ERC2: variants seen among roughly 807,000 people sequenced by gnomAD.
ERC2 encodes ERC protein 2.
ERC2 carries 42 observed loss-of-function variants against 114.8 expected under a neutral mutation model. That is an observed-to-expected ratio of 0.37 (90% CI 0.29 to 0.47). ERC2 has a LOEUF of 0.47. ERC2 is among the 20% of genes least tolerant of loss of function. ERC2 has a pLI of 0.99. For missense variants in ERC2, 939 were observed against 1,150.7 expected, an observed-to-expected ratio of 0.82 and a Z score of 2.66; for synonymous variants, 454 against 425.5, an observed-to-expected ratio of 1.07 and a Z score of -0.82.
chr3:55,675,845 A>G (rs1387032647), intron 17 of ERC2, among the ~76,000 whole-genome samples: 1 of 144,756 alleles, frequency 6.9e-6, no homozygotes, highest in Non-Finnish European at 1.5e-5. Flanking sequence ...TGCCTCCAAC[A>G]TTAAATGATG....
At chr3:55,759,731 A>G (rs2067305169) in intron 14 of ERC2, among the ~76,000 whole-genome samples, 1 of 152,186 alleles carries the variant, frequency 6.6e-6, no homozygotes, top group African/African-American at 2.4e-5. Flanking sequence ...TTAATTTTAC[A>G]GCTGCACATT....
chr3:55,671,716 G>T (rs1477450330), intron 17 of ERC2, among the ~76,000 whole-genome samples: 1 of 152,168 alleles, frequency 6.6e-6, no homozygotes, highest in African/African-American at 2.4e-5. Context: ...TTTGGCATGC[G>T]GTTGTCCAGG....
chr3:56,118,195 G>C (rs1451060759), intron 6 of ERC2, among the ~76,000 whole-genome samples: 2 of 152,106 alleles, frequency 1.3e-5, no homozygotes, highest in Non-Finnish European at 2.9e-5. Context: ...TTATTTATAG[G>C]GACCATGCTG....
At position 56,147,740 on chromosome 3, in the gene ERC2, A is replaced by T. The variant is rs1264415029; in HGVS notation, c.1305+1237T>A. Among the ~76,000 whole-genome samples the T allele has an allele frequency of 3.3e-5, 5 of 152,356 alleles. No homozygotes were observed. In the South Asian group the frequency reaches 6.2e-4, roughly 19 times the overall value. The stretch of plus-strand genomic sequence containing the variant: ...AGCAAGTGGTAGAAAAAGAAAAAAG[A>T]AAACAAATTTTTTTAATTGGTGTAC... On this transcript the variant is annotated intron_variant, in intron 5 of 17. Transcript: ENST00000288221.
chr3:56,376,716 T>C (rs1053232200), intron 2 of ERC2, among the ~76,000 whole-genome samples: 6 of 150,740 alleles, frequency 4.0e-5, no homozygotes, highest in African/African-American at 1.5e-4. Context: ...TGAGCCAAGA[T>C]TGCACCACTG....
At chr3:55,791,450 TA>T (rs1280646274) in intron 14 of ERC2, among the ~76,000 whole-genome samples, 2 of 152,170 alleles carry the variant, frequency 1.3e-5, no homozygotes, top group African/African-American at 2.4e-5. Flanking sequence ...CTATATTAAA[TA>T]TGAAAATCTT....
chr3:56,305,187 T>C (rs920816533), intron 2 of ERC2, among the ~76,000 whole-genome samples: 1 of 151,920 alleles, frequency 6.6e-6, no homozygotes, highest in African/African-American at 2.4e-5. Context: ...AATTTGACAA[T>C]GTTAAAATTA....
At chr3:55,921,686 C>T (rs1426107209) in intron 13 of ERC2, among the ~76,000 whole-genome samples, 1 of 152,008 alleles carries the variant, frequency 6.6e-6, no homozygotes, top group Non-Finnish European at 1.5e-5. Flanking sequence ...AACTTTTCTA[C>T]TAGTTTTGTA....
At chr3:55,654,456 T>C (rs577593340) in intron 17 of ERC2, among the ~76,000 whole-genome samples, 2 of 152,254 alleles carry the variant, frequency 1.3e-5, no homozygotes, top group Non-Finnish European at 2.9e-5. Flanking sequence ...GCTTTCCATA[T>C]AGGCCAACAA....
At chr3:55,666,175 G>A (rs1456992889) in intron 17 of ERC2, among the ~76,000 whole-genome samples, 1 of 152,162 alleles carries the variant, frequency 6.6e-6, no homozygotes, top group African/African-American at 2.4e-5. Context: ...CATCAGCGGT[G>A]GAGCGGGGAT....
At chr3:56,031,547 T>C (rs1380606043) in intron 7 of ERC2, among the ~76,000 whole-genome samples, 1 of 152,224 alleles carries the variant, frequency 6.6e-6, no homozygotes, top group Admixed American at 6.5e-5. Context: ...AGGAGTCTAC[T>C]TCTTCAAATG....
intron 3 of ERC2, among the ~76,000 whole-genome samples, chr3:56,198,057 T>A (rs1385935456): frequency 5.3e-5 from 8 of 152,018 alleles, no homozygotes; most frequent in Non-Finnish European, 1.0e-4. Context: ...TGCATACAAA[T>A]GGATGATGAC....
chr3:55,749,251 C>T (rs1228798061), intron 14 of ERC2, among the ~76,000 whole-genome samples: 3 of 152,180 alleles, frequency 2.0e-5, no homozygotes, highest in African/African-American at 7.2e-5. Flanking sequence ...ACTACCACTC[C>T]CTGCAATACC....
chr3:56,425,518 A>G lies in ERC2; in HGVS notation c.657+8833T>C, dbSNP rs184834403. ...AACTCCACACTTGATCCTTTCTGCA[A>G]TTTTGTTACAAGAACTAACCAACTC... On this transcript the variant is annotated intron_variant, in intron 2 of 17. Transcript: ENST00000288221. Among the ~76,000 whole-genome samples, 513 of 149,752 alleles carry G rather than the reference A, an allele frequency of 3.4e-3. 1 individual carries two copies. The highest frequency in any genetic ancestry group is 5.8e-3 in the Admixed American group (87 of 14,960).
At chr3:56,217,939 T>C (rs926742556) in intron 3 of ERC2, among the ~76,000 whole-genome samples, 1 of 151,774 alleles carries the variant, frequency 6.6e-6, no homozygotes, top group Non-Finnish European at 1.5e-5. Flanking sequence ...TAGCCATATG[T>C]AGAAAGCTGA....
At chr3:56,285,604 C>A (rs2054645984) in intron 3 of ERC2, among the ~76,000 whole-genome samples, 1 of 152,112 alleles carries the variant, frequency 6.6e-6, no homozygotes, top group African/African-American at 2.4e-5. Context: ...GCCCTGGGGG[C>A]AGGAAGAAGG....
intron 2 of ERC2, among the ~76,000 whole-genome samples, chr3:56,322,501 T>C (rs188910890): frequency 6.6e-6 from 1 of 152,218 alleles, no homozygotes; most frequent in Non-Finnish European, 1.5e-5. Flanking sequence ...CTGCCACTTT[T>C]GTACTCTTGA....
intron 4 of ERC2, among the ~76,000 whole-genome samples, chr3:56,163,991 G>C (rs1269358469): frequency 6.6e-6 from 1 of 151,956 alleles, no homozygotes; most frequent in East Asian, 1.9e-4. Flanking sequence ...TGTTTTTGTG[G>C]CAGCAGGTAT....
intron 17 of ERC2, among the ~76,000 whole-genome samples, chr3:55,640,479 A>C (rs1035047403): frequency 6.6e-6 from 1 of 152,188 alleles, no homozygotes; most frequent in African/African-American, 2.4e-5. Flanking sequence ...AGGCAAATAC[A>C]TCTATAAGGC....
Sources: gnomAD v4.1 joint callset for allele counts (sites outside exome capture counted in the v4.1 genomes callset) on GRCh38, gnomAD v4.1.1 for gene constraint, MANE v1.5 for transcripts, NCBI Gene and HGNC (gene_info 2026-07-23, HGNC 2026-07-21) for gene names.